Variants in ERMP1 observed in about 807,000 individuals in gnomAD.
The protein encoded by ERMP1 is endoplasmic reticulum metallopeptidase 1, also known as Felix-ina.
In ERMP1, 86 loss-of-function variants were observed where a neutral mutation model predicts 92.0. The observed-to-expected ratio is 0.93, with a 90% confidence interval of 0.79 to 1.12. The LOEUF is 1.12. Among genes scored for constraint, ERMP1 ranks in the 50% most tolerant of loss-of-function variants. The pLI, the probability that ERMP1 is intolerant of heterozygous loss-of-function variation, is 0.00. For synonymous variants in ERMP1, 530 were observed against 412.8 expected (o/e 1.28, Z -3.44); for missense variants, 1,342 against 1,116.3 (o/e 1.20, Z -2.88).
intron 2 of ERMP1, among the ~76,000 whole-genome samples, chr9:5,827,813 T>C (rs1304999691): frequency 2.1e-5 from 3 of 140,224 alleles, no homozygotes; most frequent in Admixed American, 1.4e-4. Flanking sequence ...AGACTCCGTC[T>C]CAAAAAAAAA....
intron 6 of ERMP1, chr9:5,855,976 G>C (rs1830368647): frequency 3.4e-6 from 1 of 290,742 alleles, no homozygotes; most frequent in Non-Finnish European, 7.0e-6. Context: ...CTTCCTGCTG[G>C]ACTAATGGTT....
chr9:5,850,925 G>C (rs904090747), intron 6 of ERMP1, among the ~76,000 whole-genome samples: 11 of 152,176 alleles, frequency 7.2e-5, no homozygotes, highest in African/African-American at 1.9e-4. Flanking sequence ...GAACAAGGTT[G>C]CATCCTTTGA....
chr9:5,812,038 C>G, intron 6 of ERMP1, 87 bp downstream of exon 6: 2 of 829,516 alleles, frequency 2.4e-6, no homozygotes, highest in East Asian at 5.0e-5. Flanking sequence ...CTCTCTAATG[C>G]ACAGGCCACA....
chr9:5,856,021 T>G, intron 6 of ERMP1: 1 of 341,502 alleles, frequency 2.9e-6, no homozygotes, highest in Non-Finnish European at 5.9e-6. Context: ...GTACACCAGG[T>G]GGATTGAAGC....
chr9:5,810,121 G>T lies in ERMP1; in HGVS notation c.1438C>A (p.Gln480Lys). 1.2e-6 allele frequency: 2 copies of T among 1,613,648 alleles called. No homozygotes were observed. The highest frequency in any genetic ancestry group is 1.7e-6 in the Non-Finnish European group (2 of 1,179,576). Residue 480 changes from glutamine to lysine, a missense_variant, in exon 8 of 15, where the codon CAG (glutamine) becomes AAG (lysine). Coordinates refer to ENST00000339450, the MANE Select transcript of ERMP1 (RefSeq NM_024896.3). ...IIAVFISLIGQSLSWYNHFYV... is the reference protein window; with the variant it reads ...IIAVFISLIGKSLSWYNHFYV... ...AAGTGGTTATACCATGAGAGAGACT[G>T]TCCAATAAGAGAGATGAACACTGCT...
At chr9:5,859,130 C>T (rs1830425700) in intron 6 of ERMP1, among the ~76,000 whole-genome samples, 1 of 152,152 alleles carries the variant, frequency 6.6e-6, no homozygotes, top group Admixed American at 6.5e-5. Context: ...CAAGTCATGT[C>T]CTCTCTCTGT....
At chr9:5,811,916 T>G (rs1161566860) in intron 6 of ERMP1, among the ~76,000 whole-genome samples, 1 of 152,130 alleles carries the variant, frequency 6.6e-6, no homozygotes, top group Non-Finnish European at 1.5e-5. Context: ...CCTTTTTCAT[T>G]TCCTCACAAT....
At chr9:5,860,573 T>C (rs567296784) in intron 5 of ERMP1, among the ~76,000 whole-genome samples, 2 of 152,044 alleles carry the variant, frequency 1.3e-5, no homozygotes, top group African/African-American at 2.4e-5. Flanking sequence ...CTAGTGGCCA[T>C]GAAAGTTGCA....
In ERMP1 at chr9:5,831,762, G is replaced by C. The variant is rs531351829; in HGVS notation, c.339-734C>G. On this transcript the variant is annotated intron_variant, in intron 1 of 14. Transcript: ENST00000339450. ...AAGAGGTTAAATAAGGCGGGCGGGG[G>C]AAACTTTTGATGGACCTAGCCCTCC... Among the ~76,000 whole-genome samples the C allele has an allele frequency of 3.3e-5, 5 of 152,302 alleles. No homozygotes were observed. In the South Asian group the frequency reaches 1.0e-3, roughly 32 times the overall value.
intron 4 of ERMP1, among the ~76,000 whole-genome samples, chr9:5,821,646 A>G (rs1563766755): frequency 6.6e-6 from 1 of 152,190 alleles, no homozygotes; most frequent in Non-Finnish European, 1.5e-5. Context: ...TTATGCATTA[A>G]TATATATGTA....
At chr9:5,851,952 T>C (rs1292869801) in intron 6 of ERMP1, among the ~76,000 whole-genome samples, 1 of 152,196 alleles carries the variant, frequency 6.6e-6, no homozygotes, top group Non-Finnish European at 1.5e-5. Context: ...AAAAATCTCA[T>C]TTCTTAATAA....
chr9:5,841,710 G>C (rs767197438), intron 6 of ERMP1, among the ~76,000 whole-genome samples: 1 of 152,200 alleles, frequency 6.6e-6, no homozygotes, highest in African/African-American at 2.4e-5. Flanking sequence ...AGAATCACTT[G>C]AACCCGGGAG....
Position 5,832,976 on chromosome 9 carries a change from C to T in ERMP1, c.52G>A (p.Glu18Lys). 6.4e-7 allele frequency: 1 copy of T among 1,564,020 alleles called. No homozygotes were observed. Among genetic ancestry groups the T allele is most frequent in the South Asian group, 1.1e-5 (1 of 86,994 alleles). ...AAVRRHRVGV[E>K]RREGAAAAPP... ...GCGGCCGCCGCTCCCTCTCGACGCT[C>T]TACTCCGACGCGGTGCCGCCTCACA... The change falls in exon 1 of 15, where the codon GAG becomes AAG. Residue 18 changes from glutamate to lysine, a missense_variant. Transcript: ENST00000339450.
At position 5,805,138 on chromosome 9, in the gene ERMP1, T is replaced by G; in HGVS notation, c.1803A>C (p.Ala601=). The stretch of plus-strand genomic sequence containing the variant: ...GGATAGGGGTAAACATCTCAAATAC[T>G]GCCCAGATGAGGTACAATGCATAAA... ...PYLYALYLIW[A]VFEMFTPILG... is the part of the protein sequence containing the mutation. The change falls in exon 10 of 15, where the codon GCA becomes GCC. Residue 601 remains alanine (A), a synonymous_variant. Transcript: ENST00000339450. 1 of 1,613,474 alleles carries G rather than the reference T, an allele frequency of 6.2e-7. No individual in the cohort carries two copies. Among genetic ancestry groups the G allele is most frequent in the Non-Finnish European group, 8.5e-7 (1 of 1,179,760 alleles).
chr9:5,860,919 C>G (rs1433381458), intron 5 of ERMP1, among the ~76,000 whole-genome samples: 1 of 152,160 alleles, frequency 6.6e-6, no homozygotes, highest in Non-Finnish European at 1.5e-5. Flanking sequence ...TCCACCCTCT[C>G]TCACTCTCTC....
chr9:5,853,390 T>C (rs1033561362), intron 6 of ERMP1, among the ~76,000 whole-genome samples: 2 of 152,198 alleles, frequency 1.3e-5, no homozygotes, highest in Non-Finnish European at 2.9e-5. Context: ...CTTCACCATG[T>C]CACTTAAATT....
chr9:5,828,470 C>T (rs1395490138), intron 2 of ERMP1, among the ~76,000 whole-genome samples: 1 of 152,218 alleles, frequency 6.6e-6, no homozygotes, highest in Non-Finnish European at 1.5e-5. Flanking sequence ...GGCCTGGCAA[C>T]AGCACAAAAG....
intron 4 of ERMP1, among the ~76,000 whole-genome samples, chr9:5,817,757 A>G (rs1829374366): frequency 6.6e-6 from 1 of 152,180 alleles, no homozygotes; most frequent in African/African-American, 2.4e-5. Context: ...AAAGTTCTCT[A>G]GAAGTCCAGG....
In ERMP1 at chr9:5,831,047, A is replaced by G; in HGVS notation, c.339-19T>C. On this transcript the variant is annotated intron_variant, in intron 1 of 14. Coordinates refer to ENST00000339450, the MANE Select transcript of ERMP1 (RefSeq NM_024896.3). ...ATAATCCCTGGAAGTAACCAAAAGA[A>G]TAACAAAGGTTTGTAGTTAAAATTG... 1 of 1,592,352 alleles carries G rather than the reference A, an allele frequency of 6.3e-7. No individual in the cohort carries two copies. The highest frequency in any genetic ancestry group is 8.6e-7 in the Non-Finnish European group (1 of 1,166,240).
Sources: allele counts gnomAD v4.1 joint callset (sites outside exome capture counted in the v4.1 genomes callset), GRCh38; gene constraint gnomAD v4.1.1; transcripts MANE v1.5; gene names NCBI Gene and HGNC (gene_info 2026-07-23, HGNC 2026-07-21).